The following RPGR variants were observed in gnomAD, a reference collection of about 807,000 sequenced individuals.
The protein encoded by RPGR is X-linked retinitis pigmentosa GTPase regulator.
In RPGR, 10 loss-of-function variants were observed where a neutral mutation model predicts 56.3. That is an observed-to-expected ratio of 0.18 (90% CI 0.11 to 0.30). RPGR has a LOEUF of 0.30. Ranked by LOEUF, RPGR falls within the 10% of genes least tolerant of loss-of-function variation. The probability of loss-of-function intolerance (pLI) is 1.00; values close to 1 mark genes in which losing one functional copy is unlikely to be tolerated. For synonymous variants in RPGR, 197 were observed against 212.9 expected, an observed-to-expected ratio of 0.93 and a Z score of 0.65; for missense variants, 538 against 590.9, an observed-to-expected ratio of 0.91 and a Z score of 0.93.
intron 13 of RPGR, among the ~76,000 whole-genome samples, chrX:38,289,298 T>C (rs76612971): frequency 0.063 from 7,084 of 111,750 alleles, 284 homozygotes; most frequent in South Asian, 0.14. Flanking sequence ...CTTGCATTGA[T>C]TATATTATTT....
intron 6 of RPGR, among the ~76,000 whole-genome samples, chrX:38,317,059 C>T (rs1176819784): frequency 9.0e-6 from 1 of 111,381 alleles, no homozygotes; most frequent in East Asian, 2.8e-4. Context: ...CTGAGAAAGT[C>T]CCACCAAAGG....
intron 11 of RPGR, among the ~76,000 whole-genome samples, chrX:38,294,696 T>C (rs985555002): frequency 1.8e-5 from 2 of 112,507 alleles, no homozygotes; most frequent in Non-Finnish European, 3.8e-5. Flanking sequence ...CTTAAATTTC[T>C]TCCTCAAATG....
rs145775234 is a variant in RPGR at position 38,322,496 on chromosome X, G to T, written c.247+357C>A. 6.3e-3 allele frequency among the ~76,000 whole-genome samples: 704 copies of T among 111,902 alleles called. 6 individuals carry two copies. The highest frequency in any genetic ancestry group is 0.038 in the Middle Eastern group (8 of 212). On this transcript the variant is annotated intron_variant, in intron 3 of 18. Transcript: ENST00000642395. ...CATAATGTCCACAACTGTATTAAAT[G>T]AGAAAAGCTCAAAATTCTAACATAT... is the stretch of plus-strand genomic sequence containing the variant.
At chrX:38,298,886 A>G in intron 10 of RPGR, 70 bp downstream of exon 10, 1 of 1,099,748 alleles carries the variant, frequency 9.1e-7, no homozygotes, top group South Asian at 1.9e-5. Context: ...AAAAGAAAAC[A>G]GATTTTTTTC....
intron 15 of RPGR, chrX:38,279,037 T>C (rs1176449184): frequency 8.1e-6 from 2 of 245,448 alleles, no homozygotes; most frequent in Non-Finnish European, 1.5e-5. Flanking sequence ...TATCATTTTC[T>C]AAATTTGAGA....
At chrX:38,315,640 G>A (rs1221450909) in intron 6 of RPGR, among the ~76,000 whole-genome samples, 1 of 110,733 alleles carries the variant, frequency 9.0e-6, no homozygotes, top group Non-Finnish European at 1.9e-5. Flanking sequence ...GTATTTGATA[G>A]CACAACAGGA....
At chrX:38,274,693 T>C (rs1016490625) in intron 17 of RPGR, among the ~76,000 whole-genome samples, 3 of 111,365 alleles carry the variant, frequency 2.7e-5, no homozygotes, top group African/African-American at 9.8e-5. Context: ...CACACGCCTG[T>C]AATCCCAGCT....
chrX:38,320,974 G>A (rs2067927864), intron 4 of RPGR, 53 bp downstream of exon 4: 1 of 920,449 alleles, frequency 1.1e-6, no homozygotes, highest in African/African-American at 1.9e-5. Flanking sequence ...TTACTGGAAT[G>A]AGACCTCAGT....
chrX:38,325,052 C>G (rs1209349538), intron 1 of RPGR, among the ~76,000 whole-genome samples: 1 of 105,811 alleles, frequency 9.5e-6, no homozygotes, highest in Non-Finnish European at 1.9e-5. Flanking sequence ...CGCCTGTAAT[C>G]CCAGCTACTC....
chrX:38,318,680 T>G (rs1267500614), intron 5 of RPGR, 149 bp downstream of exon 5: 2 of 585,985 alleles, frequency 3.4e-6, no homozygotes, highest in Non-Finnish European at 5.5e-6. Flanking sequence ...TGTCAAGATT[T>G]AAAGTTATAT....
intron 17 of RPGR, among the ~76,000 whole-genome samples, chrX:38,274,489 A>C (rs1181976462): frequency 8.9e-6 from 1 of 112,191 alleles, no homozygotes; most frequent in Admixed American, 9.4e-5. Flanking sequence ...GATTTAATAG[A>C]GAGAAAAAAG....
intron 1 of RPGR, 37 bp from the exon 2 acceptor site, chrX:38,323,561 A>T: frequency 8.4e-7 from 1 of 1,192,682 alleles, no homozygotes; most frequent in South Asian, 1.8e-5. Flanking sequence ...TATAACTTTT[A>T]CTATGTTGCC....
In RPGR at chrX:38,269,498, G is replaced by T; in HGVS notation, c.*128C>A. 1 of 481,413 alleles carries T rather than the reference G, an allele frequency of 2.1e-6. No individual in the cohort carries two copies. The highest frequency in any genetic ancestry group is 3.5e-6 in the Non-Finnish European group (1 of 288,279). 39.7% of individuals were successfully genotyped at this position (481,413 alleles called of 1,213,427 possible). A position where few individuals can be genotyped will look rare whatever the true frequency, so the allele number is the denominator to read the frequency against. On this transcript the variant is annotated 3_prime_UTR_variant, in exon 19 of 19. Transcript: ENST00000642395. ...ATCAAAACTGGTCACACTTATAGAA[G>T]CTGAATAAAACATATTAAGTCTTAT...
intron 6 of RPGR, among the ~76,000 whole-genome samples, chrX:38,316,435 T>C (rs1403876335): frequency 1.8e-5 from 2 of 112,017 alleles, no homozygotes; most frequent in Non-Finnish European, 3.8e-5. Flanking sequence ...AGCCCAAATA[T>C]GATACAATGC....
chrX:38,288,039 T>C lies in RPGR; in HGVS notation c.1575A>G (p.Lys525=), dbSNP rs761895475. Residue 525 remains lysine (K), a splice_region_variant and synonymous_variant, in exon 14 of 19, where the codon AAA becomes AAG. Coordinates refer to ENST00000642395, the MANE Select transcript of RPGR (RefSeq NM_000328.3). ...GCGTCAGTTCCCCAATTGTTTGTTG[T>C]TTCTGTAAATTTTTTGAAGTAATTA... 3.2e-5 allele frequency: 38 copies of C among 1,200,013 alleles called. No homozygotes were observed. The South Asian group carries it at 5.5e-4, about 17-fold the overall frequency.
chrX:38,323,590 T>C, intron 1 of RPGR, 66 bp from the exon 2 acceptor site: 1 of 1,139,521 alleles, frequency 8.8e-7, no homozygotes, highest in East Asian at 3.0e-5. Context: ...AAATAACTTT[T>C]GAGTAATTTA....
At chrX:38,279,997 G>C (rs2067001722) in intron 15 of RPGR, among the ~76,000 whole-genome samples, 1 of 110,489 alleles carries the variant, frequency 9.1e-6, no homozygotes, top group African/African-American at 3.3e-5. Context: ...GGGGTGGGAA[G>C]GGCATTAAAT....
chrX:38,312,854 G>A (rs1435830398), intron 6 of RPGR, among the ~76,000 whole-genome samples: 1 of 110,197 alleles, frequency 9.1e-6, no homozygotes, highest in Non-Finnish European at 1.9e-5. Context: ...GAGGTGGGAG[G>A]ATCACTTGAG....
intron 15 of RPGR, among the ~76,000 whole-genome samples, chrX:38,279,411 C>A (rs1366447347): frequency 9.0e-6 from 1 of 111,439 alleles, no homozygotes; most frequent in Non-Finnish European, 1.9e-5. Context: ...GGTGCAGACT[C>A]TGGTCTGGCC....
Sources: gnomAD v4.1 joint callset for allele counts (sites outside exome capture counted in the v4.1 genomes callset) on GRCh38, gnomAD v4.1.1 for gene constraint, MANE v1.5 for transcripts, NCBI Gene and HGNC (gene_info 2026-07-23, HGNC 2026-07-21) for gene names.